The following TLK1 variants were observed in gnomAD, a reference collection of about 807,000 sequenced individuals.
TLK1 encodes tousled like kinase 1, also known as serine/threonine-protein kinase tousled-like 1.
A neutral mutation model predicts 105.3 loss-of-function variants in TLK1; 24 were observed. The ratio of observed to expected loss-of-function variants is 0.23; its 90% CI spans 0.17 to 0.32. TLK1 has a LOEUF of 0.32. Among genes scored for constraint, TLK1 ranks in the 10% least tolerant of loss-of-function variants. The pLI is 1.00. For synonymous variants in TLK1, 321 were observed against 310.4 expected (o/e 1.03, Z -0.36); for missense variants, 558 against 910.5 (o/e 0.61, Z 4.98).
At chr2:171,148,311 A>G (rs1440834241) in intron 1 of TLK1, among the ~76,000 whole-genome samples, 4 of 152,006 alleles carry the variant, frequency 2.6e-5, no homozygotes, top group African/African-American at 9.7e-5. Context: ...GTGCCTAATA[A>G]TGTGTGTATT....
chr2:171,132,235 A>G (rs890493847), intron 1 of TLK1, among the ~76,000 whole-genome samples: 8 of 152,204 alleles, frequency 5.3e-5, no homozygotes, highest in African/African-American at 1.9e-4. Context: ...AATGCCAAAC[A>G]CTTACAAAAC....
At chr2:171,007,122 G>T in intron 14 of TLK1, 59 bp from the exon 15 acceptor site, 1 of 1,423,380 alleles carries the variant, frequency 7.0e-7, no homozygotes, top group Non-Finnish European at 9.6e-7. Context: ...CTGAAGAGAT[G>T]TTTTTTATTT....
At chr2:171,154,008 G>A (rs1204632475) in intron 1 of TLK1, 1 of 151,874 alleles carries the variant, frequency 6.6e-6, no homozygotes, top group Non-Finnish European at 1.5e-5. Context: ...ATCAAGGTGG[G>A]ATCCTCCCAC....
At chr2:171,176,341 C>T (rs1692824452) in intron 1 of TLK1, among the ~76,000 whole-genome samples, 1 of 152,156 alleles carries the variant, frequency 6.6e-6, no homozygotes, top group African/African-American at 2.4e-5. Context: ...CAGATTAGTT[C>T]AGAATACATG....
intron 1 of TLK1, among the ~76,000 whole-genome samples, chr2:171,128,759 T>TATATACACATACATACAAATGTATATAC (rs1690973855): frequency 6.6e-6 from 1 of 152,098 alleles, no homozygotes. Flanking sequence ...CATGTATATA[T>TATATACACATACATACAAATGTATATAC]ATATACACAT....
At chr2:171,150,218 C>G (rs1362366865) in intron 1 of TLK1, among the ~76,000 whole-genome samples, 1 of 152,128 alleles carries the variant, frequency 6.6e-6, no homozygotes, top group Non-Finnish European at 1.5e-5. Flanking sequence ...AAAAAATAAT[C>G]TGGCAACATT....
chr2:171,094,799 G>T (rs921183586), intron 2 of TLK1, among the ~76,000 whole-genome samples: 1 of 152,020 alleles, frequency 6.6e-6, no homozygotes, highest in Non-Finnish European at 1.5e-5. Flanking sequence ...GTAGAGACAG[G>T]GTTTCACCAT....
chr2:171,230,029 A>T (rs1283599667), intron 1 of TLK1, among the ~76,000 whole-genome samples: 1 of 133,420 alleles, frequency 7.5e-6, no homozygotes, highest in Non-Finnish European at 1.5e-5. Context: ...AAATTACAGT[A>T]AAAAAAAAAG....
At chr2:171,053,516 C>G (rs1271160192) in intron 8 of TLK1, among the ~76,000 whole-genome samples, 1 of 152,108 alleles carries the variant, frequency 6.6e-6, no homozygotes, top group Admixed American at 6.5e-5. Context: ...GCACGCACCA[C>G]CATGCCCAGC....
chr2:170,998,753 T>C (rs1050262788), intron 18 of TLK1, among the ~76,000 whole-genome samples: 59 of 152,192 alleles, frequency 3.9e-4, no homozygotes, highest in African/African-American at 1.2e-3. Flanking sequence ...TTTAAAAATA[T>C]GTAAGTCCTA....
chr2:171,173,482 G>A (rs1345891477), intron 1 of TLK1, among the ~76,000 whole-genome samples: 1 of 151,820 alleles, frequency 6.6e-6, no homozygotes, highest in Non-Finnish European at 1.5e-5. Context: ...CAAACTCCTG[G>A]GCTCCAGGGA....
At chr2:171,024,057 A>G (rs373480837) in intron 12 of TLK1, among the ~76,000 whole-genome samples, 33 of 152,320 alleles carry the variant, frequency 2.2e-4, no homozygotes, top group African/African-American at 7.5e-4. Flanking sequence ...AACTTTTTAA[A>G]GATAGGAAAT....
At chr2:171,049,692 AC>A in intron 10 of TLK1, 121 bp downstream of exon 10, 2 of 1,216,604 alleles carry the variant, frequency 1.6e-6, no homozygotes, top group Non-Finnish European at 2.3e-6. Context: ...TTTCAAAGGT[AC>A]TAAATTCTAT....
intron 11 of TLK1, among the ~76,000 whole-genome samples, chr2:171,029,802 G>C (rs1685952881): frequency 6.6e-6 from 1 of 152,120 alleles, no homozygotes; most frequent in Non-Finnish European, 1.5e-5. Context: ...CTGGAGTGCA[G>C]TGGCCACGAT....
chr2:171,094,465 CA>C (rs1051128786), intron 2 of TLK1, among the ~76,000 whole-genome samples: 2 of 151,964 alleles, frequency 1.3e-5, no homozygotes, highest in African/African-American at 4.8e-5. Context: ...TAGAAGACAT[CA>C]AAAATAGTAT....
intron 14 of TLK1, among the ~76,000 whole-genome samples, chr2:171,008,316 C>T (rs923191222): frequency 6.6e-6 from 1 of 152,042 alleles, no homozygotes. Context: ...TAGAATAATA[C>T]ATGGTACGGC....
At chr2:171,216,700 A>G (rs1442710356) in intron 1 of TLK1, among the ~76,000 whole-genome samples, 1 of 152,164 alleles carries the variant, frequency 6.6e-6, no homozygotes, top group African/African-American at 2.4e-5. Context: ...ATTAGTTAAG[A>G]TGAGCTCATA....
rs61237518 is a variant in TLK1, at chr2:171,106,011, A to C, written c.258+11728T>G. ...AAAATGTGGTATACATACACAATGG[A>C]ATACTATTTCACCATTAAAAAAATT... On this transcript the variant is annotated intron_variant, in intron 2 of 20. Coordinates refer to ENST00000431350, the MANE Select transcript of TLK1 (RefSeq NM_012290.5). Among the ~76,000 whole-genome samples, 392 of 152,364 alleles carry C rather than the reference A, an allele frequency of 2.6e-3. 5 individuals carry two copies. In the East Asian group the frequency reaches 0.043, roughly 17 times the overall value.
chr2:171,116,380 C>G (rs1439737507), intron 2 of TLK1, among the ~76,000 whole-genome samples: 1 of 151,956 alleles, frequency 6.6e-6, no homozygotes, highest in East Asian at 1.9e-4. Context: ...TCTAAGACTC[C>G]CAACAACCTA....
Sources: allele counts gnomAD v4.1 joint callset (sites outside exome capture counted in the v4.1 genomes callset), GRCh38; gene constraint gnomAD v4.1.1; transcripts MANE v1.5; gene names NCBI Gene and HGNC (gene_info 2026-07-23, HGNC 2026-07-21).